SLC6A6: variants seen among roughly 807,000 people sequenced by gnomAD.
SLC6A6 encodes the protein solute carrier family 6 member 6.
In SLC6A6, 16 loss-of-function variants were observed where a neutral mutation model predicts 68.8. The ratio of observed to expected loss-of-function variants is 0.23; its 90% CI spans 0.16 to 0.35. The LOEUF is 0.35. Among genes scored for constraint, SLC6A6 ranks in the 10% least tolerant of loss-of-function variants. The pLI is 1.00. For missense variants in SLC6A6, 474 were observed against 802.8 expected (o/e 0.59, Z 4.95); for synonymous variants, 312 against 315.4 (o/e 0.99, Z 0.12).
chr3:14,485,029 C>G lies in SLC6A6; in HGVS notation c.*22C>G, dbSNP rs775573493. ...GTGAGCTCTCTCGGGTCGACGGGGCCGGCGGCTTTCCTGCTGTTTACTAAC... is the reference window on the plus strand; with the variant it reads ...GTGAGCTCTCTCGGGTCGACGGGGCGGGCGGCTTTCCTGCTGTTTACTAAC... On this transcript the variant is annotated 3_prime_UTR_variant, in exon 15 of 15. Coordinates refer to ENST00000622186, the MANE Select transcript of SLC6A6 (RefSeq NM_003043.6). The G allele has an allele frequency of 1.3e-6, 2 of 1,589,468 alleles. No individual in the cohort carries two copies. The highest frequency in any genetic ancestry group is 3.4e-5 in the Admixed American group (2 of 59,056).
At position 14,458,127 on chromosome 3, in the gene SLC6A6, C is replaced by G. The variant is rs375554283; in HGVS notation, c.732+45C>G. On this transcript the variant is annotated intron_variant, in intron 6 of 14. Coordinates refer to ENST00000622186, the MANE Select transcript of SLC6A6 (RefSeq NM_003043.6). ...GTCCCCTGCCTCCTGGAGAGCTGTG[C>G]CAGGCTGGCCCTCTCCCCCACTTCC... 8.2e-6 allele frequency: 13 copies of G among 1,582,300 alleles called. No individual in the cohort carries two copies. In the African/African-American group the frequency reaches 1.6e-4, roughly 20 times the overall value.
At position 14,486,921 on chromosome 3, in the gene SLC6A6, G is replaced by C. The variant is rs1284251016; in HGVS notation, c.*1914G>C. 2 of 152,230 alleles carry C rather than the reference G, an allele frequency of 1.3e-5. No homozygotes were observed. The highest frequency in any genetic ancestry group is 1.3e-4 in the Admixed American group (2 of 15,290). The allele number at this position is 152,230 out of a possible 1,614,324, so 9.4% of individuals were successfully genotyped here. A position where few individuals can be genotyped will look rare whatever the true frequency, so the allele number is the denominator to read the frequency against. On this transcript the variant is annotated 3_prime_UTR_variant, in exon 15 of 15. Coordinates refer to ENST00000622186, the MANE Select transcript of SLC6A6 (RefSeq NM_003043.6). ...TCCAAACTCTCAACGATTCTATCTTGTTCCTGTTTTTCTATGTATTTATGG... is the reference window on the plus strand; with the variant it reads ...TCCAAACTCTCAACGATTCTATCTTCTTCCTGTTTTTCTATGTATTTATGG...
chr3:14,412,230 AG>A (rs1282650886), intron 1 of SLC6A6, among the ~76,000 whole-genome samples: 2 of 152,140 alleles, frequency 1.3e-5, no homozygotes, highest in African/African-American at 4.8e-5. Context: ...CTCTGAAAGG[AG>A]GTGTCCCGAT....
chr3:14,454,310 G>A (rs113860906), intron 5 of SLC6A6, among the ~76,000 whole-genome samples: 27 of 152,302 alleles, frequency 1.8e-4, no homozygotes, highest in African/African-American at 6.5e-4. Context: ...TGTTAACACT[G>A]TGGGGAGCCT....
chr3:14,413,454 T>G (rs1699295322), intron 1 of SLC6A6, among the ~76,000 whole-genome samples: 1 of 152,218 alleles, frequency 6.6e-6, no homozygotes, highest in Non-Finnish European at 1.5e-5. Flanking sequence ...TGAGCACCTG[T>G]CCTCAGCAAA....
intron 13 of SLC6A6, among the ~76,000 whole-genome samples, chr3:14,479,863 G>T (rs1236564062): frequency 1.3e-5 from 2 of 152,344 alleles, no homozygotes; most frequent in East Asian, 1.9e-4. Flanking sequence ...AGCCGTCAGG[G>T]TTTGCAATCA....
At chr3:14,475,032 C>T (rs1352841727) in intron 10 of SLC6A6, among the ~76,000 whole-genome samples, 2 of 152,158 alleles carry the variant, frequency 1.3e-5, no homozygotes, top group Middle Eastern at 3.2e-3. Context: ...AAGAGGGACA[C>T]GGTTTTTTGT....
rs1409336086 is a variant in SLC6A6 at position 14,478,663 on chromosome 3, A to G, written c.1450+95A>G. On this transcript the variant is annotated intron_variant, in intron 12 of 14. Transcript: ENST00000622186. Reference sequence around the variant, plus strand: ...AGCAGAGAATACTAACAGAAATTCAATTTGAGTTGAACAGTAGGCCCTCCC... The same window carrying G: ...AGCAGAGAATACTAACAGAAATTCAGTTTGAGTTGAACAGTAGGCCCTCCC... The G allele has an allele frequency of 2.0e-5, 16 of 816,958 alleles. No individual in the cohort carries two copies. The East Asian group carries it at 3.4e-4, about 17-fold the overall frequency. 50.6% of individuals were successfully genotyped at this position (816,958 alleles called of 1,614,324 possible). A position where few individuals can be genotyped will look rare whatever the true frequency, so the allele number is the denominator to read the frequency against.
At chr3:14,429,523 A>G (rs1044403854) in intron 2 of SLC6A6, among the ~76,000 whole-genome samples, 2 of 152,204 alleles carry the variant, frequency 1.3e-5, no homozygotes, top group Non-Finnish European at 2.9e-5. Context: ...ACATGCACGC[A>G]CTGTCATGAG....
chr3:14,429,813 C>T (rs1261525872), intron 2 of SLC6A6, among the ~76,000 whole-genome samples: 1 of 152,248 alleles, frequency 6.6e-6, no homozygotes, highest in Non-Finnish European at 1.5e-5. Flanking sequence ...ATCCCACAGA[C>T]TTCAGCAATG....
At chr3:14,430,684 G>A (rs781252160) in intron 2 of SLC6A6, among the ~76,000 whole-genome samples, 15 of 152,194 alleles carry the variant, frequency 9.9e-5, no homozygotes. Context: ...AATTAGATAT[G>A]AGCCTCATCC....
At chr3:14,409,035 C>T (rs762926300) in intron 1 of SLC6A6, among the ~76,000 whole-genome samples, 6 of 152,196 alleles carry the variant, frequency 3.9e-5, no homozygotes, top group Non-Finnish European at 7.4e-5. Flanking sequence ...GTCTCGATCT[C>T]CTGACCTGGT....
rs189965352 is a variant in SLC6A6 at position 14,477,889 on chromosome 3, C to T, written c.1347+547C>T. 3.4e-4 allele frequency among the ~76,000 whole-genome samples: 52 copies of T among 152,112 alleles called. No individual in the cohort carries two copies. The highest frequency in any genetic ancestry group is 3.4e-3 in the Middle Eastern group (1 of 294). On this transcript the variant is annotated intron_variant, in intron 11 of 14. Transcript: ENST00000622186. This position sits in a 1 kb window ranked among gnomAD's most constrained non-coding sequence, Gnocchi z 4.2. Reference sequence around the variant, plus strand: ...AAGGGAAGCAAAGAGCAGAAGGGAACGGGAACGTCTAAGACGTGTCTAGCA... The same window carrying T: ...AAGGGAAGCAAAGAGCAGAAGGGAATGGGAACGTCTAAGACGTGTCTAGCA...
At chr3:14,482,146 G>C (rs895254210) in intron 14 of SLC6A6, among the ~76,000 whole-genome samples, 1 of 152,232 alleles carries the variant, frequency 6.6e-6, no homozygotes, top group Non-Finnish European at 1.5e-5. Context: ...GGGGTGGGCA[G>C]TGAGGCTGGA....
intron 2 of SLC6A6, among the ~76,000 whole-genome samples, chr3:14,417,476 G>A (rs554929410): frequency 3.0e-4 from 45 of 151,846 alleles, no homozygotes; most frequent in South Asian, 6.3e-4. Context: ...TCACGCCTGG[G>A]ATCCCAGCAC....
intron 6 of SLC6A6, among the ~76,000 whole-genome samples, chr3:14,462,053 G>A (rs990309920): frequency 1.3e-5 from 2 of 152,242 alleles, no homozygotes; most frequent in Admixed American, 6.5e-5. Flanking sequence ...GAGCCACGGA[G>A]GTTCACCAGC....
At chr3:14,403,733 G>T (rs556109088) in intron 1 of SLC6A6, among the ~76,000 whole-genome samples, 39 of 152,348 alleles carry the variant, frequency 2.6e-4, no homozygotes, top group Non-Finnish European at 5.4e-4. Flanking sequence ...TCTTCCTTCT[G>T]TGGGTTCCTC....
chr3:14,446,214 A>G (rs1391538437), intron 4 of SLC6A6, among the ~76,000 whole-genome samples: 1 of 152,214 alleles, frequency 6.6e-6, no homozygotes, highest in Non-Finnish European at 1.5e-5. Context: ...GTGCATATAT[A>G]CCATGGAAGA....
intron 1 of SLC6A6, among the ~76,000 whole-genome samples, chr3:14,410,327 C>A (rs1325465145): frequency 6.6e-6 from 1 of 152,168 alleles, no homozygotes; most frequent in Non-Finnish European, 1.5e-5. Context: ...CTCAAACCTT[C>A]GGTGATATTG....
Sources: gnomAD v4.1 joint callset for allele counts (sites outside exome capture counted in the v4.1 genomes callset) on GRCh38, gnomAD v4.1.1 for gene constraint, Gnocchi (gnomAD v3.1) non-coding constraint, MANE v1.5 for transcripts, NCBI Gene and HGNC (gene_info 2026-07-23, HGNC 2026-07-21) for gene names.